The following FSTL5 variants were observed in gnomAD, a reference collection of about 807,000 sequenced individuals.
The protein encoded by FSTL5 is follistatin like 5.
FSTL5 carries 62 observed loss-of-function variants against 89.1 expected under a neutral mutation model. That is an observed-to-expected ratio of 0.70 (90% CI 0.57 to 0.86). The LOEUF is 0.86. Among genes scored for constraint, FSTL5 ranks in the 40% least tolerant of loss-of-function variants. The pLI is 0.00. For missense variants in FSTL5, 1,057 were observed against 1,001.6 expected (o/e 1.06, Z -0.75); for synonymous variants, 383 against 346.2 (o/e 1.11, Z -1.18).
chr4:161,408,462 AG>A (rs1164680121), intron 15 of FSTL5, among the ~76,000 whole-genome samples: 4 of 152,202 alleles, frequency 2.6e-5, no homozygotes, highest in African/African-American at 9.7e-5. Context: ...AAGAAATACC[AG>A]CCCTCCCAAA....
chr4:161,991,980 T>C (rs1578925384), intron 3 of FSTL5, among the ~76,000 whole-genome samples: 1 of 152,050 alleles, frequency 6.6e-6, no homozygotes, highest in African/African-American at 2.4e-5. Flanking sequence ...GAGCCTCAAG[T>C]GCAAAAATCC....
At chr4:161,422,017 A>T (rs1732007464) in intron 15 of FSTL5, among the ~76,000 whole-genome samples, 1 of 152,022 alleles carries the variant, frequency 6.6e-6, no homozygotes, top group African/African-American at 2.4e-5. Flanking sequence ...CATATATTCA[A>T]TACCTTATAT....
intron 2 of FSTL5, among the ~76,000 whole-genome samples, chr4:162,107,378 C>A (rs542230282): frequency 6.6e-6 from 1 of 152,250 alleles, no homozygotes; most frequent in East Asian, 1.9e-4. Context: ...ACCCGCTATA[C>A]AATCAATGCC....
chr4:162,105,321 T>A (rs1300704028), intron 2 of FSTL5, among the ~76,000 whole-genome samples: 4 of 152,164 alleles, frequency 2.6e-5, no homozygotes, highest in Non-Finnish European at 4.4e-5. Flanking sequence ...TATGCAAAAC[T>A]TATTCATCTT....
intron 2 of FSTL5, among the ~76,000 whole-genome samples, chr4:162,069,333 C>G (rs1338408335): frequency 1.3e-5 from 2 of 151,790 alleles, no homozygotes; most frequent in African/African-American, 4.8e-5. Context: ...CATGTAATAA[C>G]CTAATCAAGG....
intron 4 of FSTL5, among the ~76,000 whole-genome samples, chr4:161,828,326 T>A (rs7679848): frequency 6.6e-6 from 1 of 152,136 alleles, no homozygotes; most frequent in South Asian, 2.1e-4. Flanking sequence ...CTGGGGCCTG[T>A]AGGAGCAATC....
intron 2 of FSTL5, among the ~76,000 whole-genome samples, chr4:162,104,074 C>T (rs914845841): frequency 6.6e-6 from 1 of 152,242 alleles, no homozygotes; most frequent in Non-Finnish European, 1.5e-5. Flanking sequence ...TCGCCGTCCA[C>T]CACTGCTGTT....
intron 4 of FSTL5, among the ~76,000 whole-genome samples, chr4:161,836,560 G>T (rs1384138521): frequency 1.3e-5 from 2 of 152,038 alleles, no homozygotes; most frequent in African/African-American, 4.8e-5. Flanking sequence ...AAGGGTCCCA[G>T]TGGTGATGAG....
chr4:161,705,993 TATAC>T (rs1342265178), intron 6 of FSTL5, among the ~76,000 whole-genome samples: 4,045 of 55,710 alleles, frequency 0.073, 178 homozygotes, highest in Non-Finnish European at 0.09. Context: ...TATATATATA[TATAC>T]ACACATCTAC....
At chr4:161,819,625 T>C (rs1035398128) in intron 4 of FSTL5, among the ~76,000 whole-genome samples, 1 of 151,902 alleles carries the variant, frequency 6.6e-6, no homozygotes, top group Non-Finnish European at 1.5e-5. Context: ...TATTGCATCA[T>C]ATGGTTCTTT....
chr4:161,432,013 G>T (rs4691760), intron 15 of FSTL5, among the ~76,000 whole-genome samples: 7,274 of 152,168 alleles, frequency 0.048, 437 homozygotes, highest in East Asian at 0.19. Flanking sequence ...AATAATAGCT[G>T]GAGACTTCAA....
intron 1 of FSTL5, among the ~76,000 whole-genome samples, chr4:162,144,016 C>A (rs1732872773): frequency 6.6e-6 from 1 of 152,010 alleles, no homozygotes; most frequent in South Asian, 2.1e-4. Context: ...GGTGATGGCC[C>A]AAGTAAAGAG....
chr4:161,612,444 C>A (rs1734685876), intron 7 of FSTL5, among the ~76,000 whole-genome samples: 1 of 152,174 alleles, frequency 6.6e-6, no homozygotes, highest in Admixed American at 6.5e-5. Flanking sequence ...TTTTGCATTT[C>A]AACACAACTA....
intron 4 of FSTL5, among the ~76,000 whole-genome samples, chr4:161,803,553 A>G (rs912480207): frequency 5.9e-5 from 9 of 151,942 alleles, no homozygotes; most frequent in Admixed American, 2.6e-4. Flanking sequence ...TTAGTTTCCA[A>G]TTGCTGACCT....
intron 6 of FSTL5, among the ~76,000 whole-genome samples, chr4:161,726,350 C>T (rs868498828): frequency 6.6e-6 from 1 of 151,002 alleles, no homozygotes; most frequent in Non-Finnish European, 1.5e-5. Context: ...TGTCAGCCTC[C>T]CGAGTAGCTG....
intron 5 of FSTL5, among the ~76,000 whole-genome samples, chr4:161,771,796 C>T (rs940887399): frequency 3.3e-5 from 5 of 152,168 alleles, no homozygotes; most frequent in Admixed American, 2.0e-4. Flanking sequence ...CACCGTGGCT[C>T]ACGCCTGTGA....
chr4:161,456,262 A>T (rs1402065956), intron 14 of FSTL5, among the ~76,000 whole-genome samples: 1 of 152,180 alleles, frequency 6.6e-6, no homozygotes, highest in African/African-American at 2.4e-5. Flanking sequence ...AGTATTTTGA[A>T]ATTTTTGTAA....
chr4:161,843,449 TAGTTCTCCTTGAAGA>T lies in FSTL5; in HGVS notation c.410-67390_410-67376del, dbSNP rs577189746. Among the ~76,000 whole-genome samples the T allele has an allele frequency of 3.9e-5, 6 of 152,326 alleles. No individual in the cohort carries two copies. In the East Asian group the frequency reaches 1.2e-3, roughly 29 times the overall value. ...TCTTATTTCCTTGAGCAGTAGTTTG[TAGTTCTCCTTGAAGA>T]AGTCCTTCATATCCCTTGTAAGTTG... On this transcript the variant is annotated intron_variant, in intron 4 of 15. Coordinates refer to ENST00000306100, the MANE Select transcript of FSTL5 (RefSeq NM_020116.5).
At chr4:161,933,955 A>G (rs1011569640) in intron 3 of FSTL5, among the ~76,000 whole-genome samples, 1 of 152,098 alleles carries the variant, frequency 6.6e-6, no homozygotes, top group African/African-American at 2.4e-5. Flanking sequence ...GTAAGAAAAC[A>G]TATCTCCTAA....
Sources: allele counts gnomAD v4.1 joint callset (sites outside exome capture counted in the v4.1 genomes callset), GRCh38; gene constraint gnomAD v4.1.1; transcripts MANE v1.5; gene names NCBI Gene and HGNC (gene_info 2026-07-23, HGNC 2026-07-21).